Variants in KIF21A observed in about 807,000 individuals in gnomAD.
The protein encoded by KIF21A is kinesin family member 21A.
Under a neutral mutation model 202.9 loss-of-function variants are expected in KIF21A, and 114 were observed. The observed-to-expected ratio is 0.56, with a 90% CI of 0.48 to 0.66. The LOEUF is 0.66. Among genes scored for constraint, KIF21A ranks in the 30% least tolerant of loss-of-function variants. The probability of loss-of-function intolerance (pLI) is 0.00; values close to 1 mark genes in which losing one functional copy is unlikely to be tolerated. For synonymous variants in KIF21A, 667 were observed against 670.8 expected, an observed-to-expected ratio of 0.99 and a Z score of 0.09; for missense variants, 1,677 against 1,994.9, an observed-to-expected ratio of 0.84 and a Z score of 3.04.
chr12:39,316,053 A>T, intron 29 of KIF21A, 83 bp from the exon 30 acceptor site: 1 of 891,826 alleles, frequency 1.1e-6, no homozygotes, highest in Non-Finnish European at 1.9e-6. Context: ...CAAAATCAAC[A>T]GCATGAATAA....
intron 4 of KIF21A, 132 bp from the exon 5 acceptor site, chr12:39,367,296 T>G (rs1224132165): frequency 1.1e-6 from 1 of 930,090 alleles, no homozygotes; most frequent in Non-Finnish European, 1.7e-6. Flanking sequence ...CATTATTAGT[T>G]CAGTTACAGG....
chr12:39,318,037 T>C (rs778998924), intron 29 of KIF21A, 36 bp downstream of exon 29: 4 of 1,597,042 alleles, frequency 2.5e-6, no homozygotes, highest in Non-Finnish European at 2.6e-6. Flanking sequence ...CAGAATATTA[T>C]ATAAATAATT....
chr12:39,327,650 A>G (rs1003379102), intron 24 of KIF21A, among the ~76,000 whole-genome samples: 1 of 152,178 alleles, frequency 6.6e-6, no homozygotes, highest in African/African-American at 2.4e-5. Flanking sequence ...CCTTAGTTAG[A>G]GATAATGGTG....
chr12:39,332,656 T>C lies in KIF21A; in HGVS notation c.2791A>G (p.Thr931Ala), dbSNP rs767011275. 3.1e-6 allele frequency: 5 copies of C among 1,614,080 alleles called. No homozygotes were observed. The Admixed American group carries it at 8.3e-5, about 27-fold the overall frequency. ...GTCATCTTCTGCATGATGATGTCTG[T>C]GACCCTGCGCTCAAGGAGCTGCCAC... is the stretch of plus-strand genomic sequence containing the variant. ...MKWQLLERRVTDIIMQKMTIS... is the reference protein window; with the variant it reads ...MKWQLLERRVADIIMQKMTIS... Residue 931 changes from threonine to alanine, a missense_variant, in exon 20 of 38, where the codon ACA becomes GCA. This residue lies in a region of KIF21A where 966 missense variants were observed against 1,180.9 expected (regional missense o/e 0.82). Coordinates refer to ENST00000361418, the MANE Select transcript of KIF21A (RefSeq NM_001173464.2).
intron 3 of KIF21A, among the ~76,000 whole-genome samples, chr12:39,369,469 TG>T (rs572062566): frequency 2.4e-3 from 361 of 151,610 alleles, no homozygotes; most frequent in East Asian, 0.021. Context: ...TCCAAAAAAA[TG>T]GGGGGGGTTC....
rs1260977609 is a variant in KIF21A, at chr12:39,301,512, A to G, written c.4899T>C (p.Cys1633=). 1 of 1,614,134 alleles carries G rather than the reference A, an allele frequency of 6.2e-7. No individual in the cohort carries two copies. Among genetic ancestry groups the G allele is most frequent in the Non-Finnish European group, 8.5e-7 (1 of 1,179,948 alleles). Residue 1633 remains cysteine, a synonymous_variant, in exon 37 of 38, where the codon TGT becomes TGC. Coordinates refer to ENST00000361418, the MANE Select transcript of KIF21A (RefSeq NM_001173464.2). ...KGHDSPINAI[C]VNSTHIFTAA... is the part of the protein sequence containing the mutation. ...CAGTAAAAATGTGGGTGGAATTAAC[A>G]CATATGGCATTGATAGGACTATCAT...
In KIF21A at chr12:39,341,564, T is replaced by C; in HGVS notation, c.1862A>G (p.Glu621Gly). The C allele has an allele frequency of 6.4e-7, 1 of 1,557,060 alleles. No homozygotes were observed. Among genetic ancestry groups the C allele is most frequent in the Non-Finnish European group, 8.8e-7 (1 of 1,133,118 alleles). The change falls in exon 14 of 38, where the codon GAA becomes GGA. Residue 621 changes from glutamate to glycine, a missense_variant. Coordinates refer to ENST00000361418, the MANE Select transcript of KIF21A (RefSeq NM_001173464.2). Reference protein sequence around the residue: ...EDEEEEEEEEEDDIDGGESSD... With the variant: ...EDEEEEEEEEGDDIDGGESSD... ...ACTTTCACCCCCATCAATGTCATCT[T>C]CCTCCTCCTCCTCCTCCTCTTCTTC...
At chr12:39,313,859 A>C (rs1211218836) in intron 31 of KIF21A, among the ~76,000 whole-genome samples, 1 of 151,848 alleles carries the variant, frequency 6.6e-6, no homozygotes, top group East Asian at 1.9e-4. Context: ...TTTAAGAAGA[A>C]CATTGAAAAA....
intron 1 of KIF21A, among the ~76,000 whole-genome samples, chr12:39,438,920 A>G (rs1939188477): frequency 6.6e-6 from 1 of 152,200 alleles, no homozygotes; most frequent in African/African-American, 2.4e-5. Context: ...GGTTCAATTC[A>G]GTATACTTAG....
rs1566269958 is a variant in KIF21A at position 39,416,765 on chromosome 12, A to ATATATATGTACATATATATGTG, written c.44+26161_44+26162insCACATATATATGTACATATATA. ...TATATATATGTACATATATATGTGT[A>ATATATATGTACATATATATGTG]TATATATATGTACATATATATGTGT... On this transcript the variant is annotated intron_variant, in intron 1 of 37. Coordinates refer to ENST00000361418, the MANE Select transcript of KIF21A (RefSeq NM_001173464.2). 1.5e-3 allele frequency among the ~76,000 whole-genome samples: 112 copies of ATATATATGTACATATATATGTG among 75,570 alleles called. 2 individuals carry two copies. Among genetic ancestry groups the ATATATATGTACATATATATGTG allele is most frequent in the African/African-American group, 5.2e-3 (67 of 12,776 alleles). 49.6% of individuals were successfully genotyped at this position (75,570 alleles called of 152,430 possible).
chr12:39,398,505 G>T (rs909971009), intron 1 of KIF21A, among the ~76,000 whole-genome samples: 1 of 152,132 alleles, frequency 6.6e-6, no homozygotes, highest in East Asian at 1.9e-4. Flanking sequence ...GGAGGGTGAG[G>T]CAGGAGAATT....
chr12:39,318,037 TATAA>T, intron 29 of KIF21A, 32 bp downstream of exon 29: 2 of 1,597,042 alleles, frequency 1.3e-6, no homozygotes, highest in Non-Finnish European at 1.7e-6. Flanking sequence ...CAGAATATTA[TATAA>T]ATAATTGGGG....
chr12:39,332,143 A>G, intron 21 of KIF21A, 71 bp downstream of exon 21: 1 of 1,403,204 alleles, frequency 7.1e-7, no homozygotes, highest in Non-Finnish European at 1.0e-6. Context: ...AAAAACTGAA[A>G]GTGCTTTGAA....
intron 1 of KIF21A, among the ~76,000 whole-genome samples, chr12:39,433,958 T>C (rs970886394): frequency 1.3e-5 from 2 of 152,198 alleles, no homozygotes; most frequent in African/African-American, 4.8e-5. Flanking sequence ...ACTTTACAAA[T>C]TCAAGTTATA....
chr12:39,413,994 G>A (rs1953330948), intron 1 of KIF21A, among the ~76,000 whole-genome samples: 1 of 152,118 alleles, frequency 6.6e-6, no homozygotes, highest in African/African-American at 2.4e-5. Context: ...ACTTGTTGAA[G>A]CTAGTGAAAG....
chr12:39,323,720 T>C (rs1297059081), intron 26 of KIF21A, among the ~76,000 whole-genome samples: 1 of 152,198 alleles, frequency 6.6e-6, no homozygotes. Flanking sequence ...AAACTTGTTT[T>C]TTCAGCTGTA....
intron 16 of KIF21A, among the ~76,000 whole-genome samples, chr12:39,338,001 A>G (rs1255224504): frequency 6.6e-6 from 1 of 152,206 alleles, no homozygotes; most frequent in Non-Finnish European, 1.5e-5. Flanking sequence ...TACTTTTTAT[A>G]GATATTTTGG....
chr12:39,332,511 A>C (rs975168678), intron 20 of KIF21A, 80 bp downstream of exon 20: 1 of 1,505,560 alleles, frequency 6.6e-7, no homozygotes, highest in East Asian at 2.5e-5. Context: ...TAAGTGTTAA[A>C]TTTACCCAGG....
At chr12:39,399,185 C>A (rs1951981059) in intron 1 of KIF21A, among the ~76,000 whole-genome samples, 1 of 152,124 alleles carries the variant, frequency 6.6e-6, no homozygotes, top group African/African-American at 2.4e-5. Flanking sequence ...CAGCAAGATT[C>A]CATCAAAAGA....
Sources: gnomAD v4.1 joint callset for allele counts (sites outside exome capture counted in the v4.1 genomes callset) on GRCh38, gnomAD v4.1.1 for gene constraint, gnomAD v4.1.1 regional missense constraint, MANE v1.5 for transcripts, NCBI Gene and HGNC (gene_info 2026-07-23, HGNC 2026-07-21) for gene names.